ALK: variants seen among roughly 807,000 people sequenced by gnomAD.
ALK encodes ALK tyrosine kinase receptor.
In ALK, 74 loss-of-function variants were observed where a neutral mutation model predicts 163.1. The ratio of observed to expected loss-of-function variants is 0.45; its 90% CI spans 0.38 to 0.55. The LOEUF is 0.55. Among genes scored for constraint, ALK ranks in the 20% least tolerant of loss-of-function variants. The pLI is 0.00. For missense variants in ALK, 2,063 were observed against 2,105.3 expected, an observed-to-expected ratio of 0.98 and a Z score of 0.39; for synonymous variants, 960 against 843.2, an observed-to-expected ratio of 1.14 and a Z score of -2.40.
chr2:29,816,426 T>C (rs1271283143), intron 1 of ALK, among the ~76,000 whole-genome samples: 1 of 152,226 alleles, frequency 6.6e-6, no homozygotes, highest in African/African-American at 2.4e-5. Context: ...CCTAATCCAA[T>C]AGACCTTATT....
intron 3 of ALK, among the ~76,000 whole-genome samples, chr2:29,619,690 G>A (rs1217092615): frequency 6.6e-6 from 1 of 152,192 alleles, no homozygotes; most frequent in Non-Finnish European, 1.5e-5. Flanking sequence ...AATGGATTCT[G>A]TGTATCCAAT....
At chr2:29,431,154 G>GA (rs1443363114) in intron 4 of ALK, among the ~76,000 whole-genome samples, 2 of 152,124 alleles carry the variant, frequency 1.3e-5, no homozygotes. Context: ...GAAAGTAAAG[G>GA]AAAATTGATT....
At chr2:29,651,173 T>C (rs1463438517) in intron 3 of ALK, among the ~76,000 whole-genome samples, 1 of 152,130 alleles carries the variant, frequency 6.6e-6, no homozygotes, top group Non-Finnish European at 1.5e-5. Flanking sequence ...AGATCTCCTC[T>C]GTAACTTCAA....
rs73920778 is a variant in ALK, at chr2:29,321,344, A to G, written c.1415-462T>C. ...CACTACATTTCTAATGGTTGATACA[A>G]TGTCCAGACTGTGGTGGTGGTTGTG... On this transcript the variant is annotated intron_variant, in intron 6 of 28. Coordinates refer to ENST00000389048, the MANE Select transcript of ALK (RefSeq NM_004304.5). 8.2e-3 allele frequency among the ~76,000 whole-genome samples: 1,242 copies of G among 152,300 alleles called. 29 individuals carry two copies. Among genetic ancestry groups the G allele is most frequent in the African/African-American group, 0.028 (1,148 of 41,568 alleles).
At chr2:29,275,320 C>T in intron 10 of ALK, 82 bp downstream of exon 10, 2 of 1,608,328 alleles carry the variant, frequency 1.2e-6, no homozygotes, top group Non-Finnish European at 1.7e-6. Flanking sequence ...GAGAGACAGT[C>T]AGGCTTAGGC....
At chr2:29,462,359 C>T (rs554082705) in intron 4 of ALK, among the ~76,000 whole-genome samples, 6 of 152,228 alleles carry the variant, frequency 3.9e-5, no homozygotes, top group Non-Finnish European at 8.8e-5. Context: ...CTACAGAAAA[C>T]TCTTTCATAA....
At chr2:29,486,072 T>C (rs1233201330) in intron 4 of ALK, among the ~76,000 whole-genome samples, 3 of 126,782 alleles carry the variant, frequency 2.4e-5, no homozygotes, top group African/African-American at 9.2e-5. Context: ...TCCATTTCTG[T>C]TCTGGGTTTG....
chr2:29,305,460 T>C (rs904439430), intron 8 of ALK, among the ~76,000 whole-genome samples: 8 of 152,230 alleles, frequency 5.3e-5, no homozygotes, highest in Non-Finnish European at 2.9e-5. Context: ...TATTCCTTGT[T>C]GATCACATGT....
chr2:29,320,873 G>A lies in ALK; in HGVS notation c.1424C>T (p.Pro475Leu). Reference sequence around the variant, plus strand: ...TTCAAAGTTGCAGTAAAAACCCACAGGCAGTTTCCCTATGGAGAGAGCAGA... The same window carrying A: ...TTCAAAGTTGCAGTAAAAACCCACAAGCAGTTTCCCTATGGAGAGAGCAGA... Reference protein sequence around the residue: ...EDESQMCRKLPVGFYCNFEDG... With the variant: ...EDESQMCRKLLVGFYCNFEDG... Residue 475 changes from proline (P) to leucine (L), a missense_variant, in exon 7 of 29, where the codon CCT becomes CTT. Around this residue, in one of 5 missense-constraint regions of ALK, gnomAD observed 987 missense variants for 939.5 expected, o/e 1.05. Transcript: ENST00000389048. 2 of 1,614,192 alleles carry A rather than the reference G, an allele frequency of 1.2e-6. No individual in the cohort carries two copies. The highest frequency in any genetic ancestry group is 8.5e-7 in the Non-Finnish European group (1 of 1,180,022).
chr2:29,196,757 G>A lies in ALK; in HGVS notation c.4164+13C>T. On this transcript the variant is annotated intron_variant, in intron 28 of 28. Coordinates refer to ENST00000389048, the MANE Select transcript of ALK (RefSeq NM_004304.5). Reference sequence around the variant, plus strand: ...ATAGAGTAAATGTTGACCAAAGGGAGAAAATGTTTTACCTGGGTGCAGTAT... The same window carrying A: ...ATAGAGTAAATGTTGACCAAAGGGAAAAAATGTTTTACCTGGGTGCAGTAT... 1 of 1,602,294 alleles carries A rather than the reference G, an allele frequency of 6.2e-7. No individual in the cohort carries two copies. Among genetic ancestry groups the A allele is most frequent in the Non-Finnish European group, 8.6e-7 (1 of 1,169,216 alleles).
intron 3 of ALK, among the ~76,000 whole-genome samples, chr2:29,575,721 T>C (rs1289161767): frequency 6.6e-6 from 1 of 152,220 alleles, no homozygotes; most frequent in Non-Finnish European, 1.5e-5. Flanking sequence ...ATTCCCAAGC[T>C]GGCAATTTTG....
At chr2:29,728,484 A>T (rs144431584) in intron 1 of ALK, among the ~76,000 whole-genome samples, 176 of 152,368 alleles carry the variant, frequency 1.2e-3, no homozygotes, top group African/African-American at 4.0e-3. Flanking sequence ...AAGGCAGCAG[A>T]CAGCCATCCA....
chr2:29,212,519 G>A (rs1444379271), intron 24 of ALK, among the ~76,000 whole-genome samples: 1 of 152,126 alleles, frequency 6.6e-6, no homozygotes, highest in Non-Finnish European at 1.5e-5. Flanking sequence ...AGAAGCTGGA[G>A]GGAGAACTGA....
intron 3 of ALK, among the ~76,000 whole-genome samples, chr2:29,579,243 CT>C (rs1466932759): frequency 2.8e-4 from 42 of 152,232 alleles, no homozygotes; most frequent in Non-Finnish European, 5.7e-4. Context: ...CTTGCCTCAC[CT>C]ATGGATGGTT....
intron 1 of ALK, among the ~76,000 whole-genome samples, chr2:29,894,591 G>T (rs1365598306): frequency 1.3e-5 from 2 of 151,960 alleles, no homozygotes; most frequent in Non-Finnish European, 2.9e-5. Context: ...TAGTAAATTA[G>T]TGGGGACCAG....
chr2:29,725,664 G>GA (rs1028615602), intron 1 of ALK, among the ~76,000 whole-genome samples: 5 of 151,450 alleles, frequency 3.3e-5, no homozygotes, highest in Non-Finnish European at 7.4e-5. Flanking sequence ...CATTGATTTA[G>GA]AAAAAATTAG....
intron 23 of ALK, among the ~76,000 whole-genome samples, chr2:29,219,137 A>C (rs757939266): frequency 6.6e-6 from 1 of 152,154 alleles, no homozygotes. Flanking sequence ...TTGTCTGTTC[A>C]TAGGGTGGTG....
At chr2:29,432,693 C>T (rs1262509629) in intron 4 of ALK, among the ~76,000 whole-genome samples, 1 of 151,962 alleles carries the variant, frequency 6.6e-6, no homozygotes, top group East Asian at 1.9e-4. Context: ...CAACTTGACC[C>T]TAAGCAATGG....
intron 5 of ALK, among the ~76,000 whole-genome samples, chr2:29,329,732 A>G (rs1190946009): frequency 6.6e-6 from 1 of 152,194 alleles, no homozygotes; most frequent in African/African-American, 2.4e-5. Flanking sequence ...AAAGTCCATG[A>G]TTTCCTGGTT....
Sources: gnomAD v4.1 joint callset for allele counts (sites outside exome capture counted in the v4.1 genomes callset) on GRCh38, gnomAD v4.1.1 for gene constraint, gnomAD v4.1.1 regional missense constraint, MANE v1.5 for transcripts, NCBI Gene and HGNC (gene_info 2026-07-23, HGNC 2026-07-21) for gene names.